PPFIA2: variants seen among roughly 807,000 people sequenced by gnomAD.
PPFIA2 encodes the protein PPFI scaffold protein A2, also known as liprin-alpha-2.
In PPFIA2, 46 loss-of-function variants were observed where a neutral mutation model predicts 175.5. That is an observed-to-expected ratio of 0.26 (90% confidence interval 0.21 to 0.34). PPFIA2 has a LOEUF of 0.34. PPFIA2 is among the 10% of genes least tolerant of loss of function. The pLI, the probability that PPFIA2 is intolerant of heterozygous loss-of-function variation, is 1.00. For synonymous variants in PPFIA2, 568 were observed against 511.4 expected (o/e 1.11, Z -1.49); for missense variants, 1,179 against 1,506.1 (o/e 0.78, Z 3.60).
intron 3 of PPFIA2, among the ~76,000 whole-genome samples, chr12:81,717,792 T>C (rs553818620): frequency 2.6e-5 from 4 of 151,632 alleles, no homozygotes; most frequent in Non-Finnish European, 5.9e-5. Context: ...GAGATGTGGA[T>C]TCTTGTATAT....
intron 4 of PPFIA2, chr12:81,505,699 T>C (rs973179742): frequency 6.6e-6 from 1 of 152,244 alleles, no homozygotes; most frequent in Non-Finnish European, 1.5e-5. Context: ...AGTTCCCTCT[T>C]GTACATGTGT....
intron 4 of PPFIA2, among the ~76,000 whole-genome samples, chr12:81,489,949 C>A (rs527577842): frequency 6.6e-6 from 1 of 151,882 alleles, no homozygotes; most frequent in African/African-American, 2.4e-5. Flanking sequence ...AAAGTTCTCT[C>A]TCTGTCCATC....
intron 4 of PPFIA2, among the ~76,000 whole-genome samples, chr12:81,502,681 G>T (rs972337983): frequency 2.1e-4 from 32 of 152,130 alleles, no homozygotes; most frequent in African/African-American, 7.5e-4. Flanking sequence ...AGGTGATGGG[G>T]TTTAGACTGT....
chr12:81,595,050 G>A (rs954649122), intron 4 of PPFIA2, among the ~76,000 whole-genome samples: 17 of 152,064 alleles, frequency 1.1e-4, no homozygotes, highest in African/African-American at 4.1e-4. Context: ...GAGGAAATGA[G>A]GGGAGCCATG....
intron 22 of PPFIA2, among the ~76,000 whole-genome samples, chr12:81,322,238 C>T (rs186030438): frequency 8.0e-4 from 121 of 151,816 alleles, no homozygotes; most frequent in South Asian, 3.7e-3. Context: ...AATATGAGGG[C>T]GAAAGGTATA....
At chr12:81,292,128 C>A (rs1026224097) in intron 24 of PPFIA2, among the ~76,000 whole-genome samples, 2 of 151,906 alleles carry the variant, frequency 1.3e-5, no homozygotes, top group Non-Finnish European at 2.9e-5. Flanking sequence ...TCATATTTTT[C>A]ATCTGGAAGT....
At chr12:81,400,381 A>G (rs932808437) in intron 8 of PPFIA2, among the ~76,000 whole-genome samples, 4 of 152,156 alleles carry the variant, frequency 2.6e-5, no homozygotes, top group Admixed American at 1.3e-4. Context: ...ATAAAGGCAC[A>G]TCCCGTATTC....
At chr12:81,710,043 C>T (rs2077689712) in intron 3 of PPFIA2, among the ~76,000 whole-genome samples, 1 of 151,764 alleles carries the variant, frequency 6.6e-6, no homozygotes, top group Admixed American at 6.6e-5. Context: ...TAAATTATGG[C>T]CTTTGCCTAT....
intron 4 of PPFIA2, among the ~76,000 whole-genome samples, chr12:81,572,001 G>T (rs1331367849): frequency 1.3e-5 from 2 of 151,998 alleles, no homozygotes; most frequent in African/African-American, 4.8e-5. Context: ...GTCTTAATAT[G>T]CAAGAGCACT....
intron 4 of PPFIA2, among the ~76,000 whole-genome samples, chr12:81,522,388 T>A (rs2153242486): frequency 6.6e-6 from 1 of 152,222 alleles, no homozygotes; most frequent in African/African-American, 2.4e-5. Context: ...CAGAAAAATA[T>A]GATATATTAA....
At chr12:81,370,613 C>T (rs17008442) in intron 11 of PPFIA2, among the ~76,000 whole-genome samples, 22,018 of 151,718 alleles carry the variant, frequency 0.15, 2,295 homozygotes, top group East Asian at 0.36. Context: ...CAAAATAGTG[C>T]CTAAAGTGAA....
chr12:81,391,924 T>A (rs1221128623), intron 8 of PPFIA2, among the ~76,000 whole-genome samples: 1 of 151,250 alleles, frequency 6.6e-6, no homozygotes, highest in Non-Finnish European at 1.5e-5. Context: ...AGGGTGGGAG[T>A]GGATATAGAT....
intron 19 of PPFIA2, among the ~76,000 whole-genome samples, chr12:81,342,697 T>C (rs1162712186): frequency 6.6e-6 from 1 of 152,106 alleles, no homozygotes; most frequent in Non-Finnish European, 1.5e-5. Flanking sequence ...TTCTGAACTA[T>C]TCCTAATACA....
At chr12:81,752,667 A>T (rs954301350) in intron 3 of PPFIA2, among the ~76,000 whole-genome samples, 1 of 152,204 alleles carries the variant, frequency 6.6e-6, no homozygotes, top group African/African-American at 2.4e-5. Flanking sequence ...TGAGAGTCAT[A>T]AATATCTCTA....
rs117112468 is a variant in PPFIA2 at position 81,397,697 on chromosome 12, C to T, written c.762+8090G>A. 1.5e-3 allele frequency among the ~76,000 whole-genome samples: 231 copies of T among 152,114 alleles called. 4 individuals are homozygous for T. The East Asian group carries it at 0.028, about 18-fold the overall frequency. On this transcript the variant is annotated intron_variant, in intron 8 of 32. Coordinates refer to ENST00000549396, the MANE Select transcript of PPFIA2 (RefSeq NM_003625.5). Reference sequence around the variant, plus strand: ...GAATACAGTCGACCAGGGGTGCCCACGTTCCAAGCCATGGACATGTACTGG... The same window carrying T: ...GAATACAGTCGACCAGGGGTGCCCATGTTCCAAGCCATGGACATGTACTGG...
intron 7 of PPFIA2, among the ~76,000 whole-genome samples, chr12:81,418,877 G>A (rs2045786183): frequency 6.6e-6 from 1 of 151,666 alleles, no homozygotes; most frequent in Non-Finnish European, 1.5e-5. Context: ...ATGCTATTTT[G>A]TCTACTCATG....
chr12:81,390,579 A>G (rs1383228506), intron 8 of PPFIA2, among the ~76,000 whole-genome samples: 1 of 151,964 alleles, frequency 6.6e-6, no homozygotes, highest in Non-Finnish European at 1.5e-5. Context: ...TCTTATTTGG[A>G]GAAATGTCTA....
At chr12:81,591,929 C>A (rs1161720000) in intron 4 of PPFIA2, among the ~76,000 whole-genome samples, 1 of 152,120 alleles carries the variant, frequency 6.6e-6, no homozygotes, top group South Asian at 2.1e-4. Context: ...GATCCACTGA[C>A]ACCTTGCACT....
chr12:81,684,671 C>T (rs1383524752), intron 3 of PPFIA2, among the ~76,000 whole-genome samples: 1 of 152,012 alleles, frequency 6.6e-6, no homozygotes, highest in Non-Finnish European at 1.5e-5. Context: ...TAATAAATGA[C>T]TTGCCCCAAA....
Sources: allele counts gnomAD v4.1 joint callset (sites outside exome capture counted in the v4.1 genomes callset), GRCh38; gene constraint gnomAD v4.1.1; transcripts MANE v1.5; gene names NCBI Gene and HGNC (gene_info 2026-07-23, HGNC 2026-07-21).